The following DOCK2 variants were observed in gnomAD, a reference collection of about 807,000 sequenced individuals.
The protein encoded by DOCK2 is dedicator of cytokinesis protein 2.
DOCK2 carries 87 observed loss-of-function variants against 248.9 expected under a neutral mutation model. The ratio of observed to expected loss-of-function variants is 0.35; its 90% CI spans 0.29 to 0.42. The LOEUF is 0.42. Ranked by LOEUF, DOCK2 falls within the 10% of genes least tolerant of loss-of-function variation. The probability of loss-of-function intolerance (pLI) is 1.00; values close to 1 mark genes in which losing one functional copy is unlikely to be tolerated. For missense variants in DOCK2, 1,747 were observed against 2,300.2 expected (o/e 0.76, Z 4.92); for synonymous variants, 805 against 821.6 (o/e 0.98, Z 0.35).
intron 29 of DOCK2, among the ~76,000 whole-genome samples, chr5:169,989,693 G>C (rs746153787): frequency 6.6e-6 from 1 of 152,214 alleles, no homozygotes; most frequent in South Asian, 2.1e-4. Flanking sequence ...ATCTGAGCAA[G>C]ATCCTTCACC....
At chr5:169,805,216 CAAAAA>C (rs1178136278) in intron 26 of DOCK2, among the ~76,000 whole-genome samples, 1 of 70,708 alleles carries the variant, frequency 1.4e-5, no homozygotes, top group Non-Finnish European at 3.5e-5. Flanking sequence ...TCTGTCTCTA[CAAAAA>C]AAAAAAAAAA....
At chr5:170,036,392 A>G in intron 35 of DOCK2, 123 bp from the exon 36 acceptor site, 3 of 968,784 alleles carry the variant, frequency 3.1e-6, no homozygotes, top group Non-Finnish European at 4.7e-6. Context: ...TAAGTTTCTT[A>G]TTCCTATCTC....
chr5:169,699,310 G>A, intron 11 of DOCK2, 72 bp from the exon 12 acceptor site: 1 of 1,487,852 alleles, frequency 6.7e-7, no homozygotes, highest in East Asian at 2.3e-5. Context: ...AGGGGCTGGG[G>A]AGATTCATGG....
At chr5:169,776,844 A>G (rs574733074) in intron 25 of DOCK2, among the ~76,000 whole-genome samples, 1 of 152,292 alleles carries the variant, frequency 6.6e-6, no homozygotes, top group African/African-American at 2.4e-5. Context: ...CATGATTGTA[A>G]GTTTTCTGAG....
chr5:169,817,700 G>A (rs1768154037), intron 26 of DOCK2, among the ~76,000 whole-genome samples: 2 of 152,130 alleles, frequency 1.3e-5, no homozygotes, highest in Admixed American at 1.3e-4. Context: ...TTTGACATAG[G>A]CCATCATTTA....
At chr5:169,687,873 C>T (rs1760077337) in intron 8 of DOCK2, among the ~76,000 whole-genome samples, 1 of 152,182 alleles carries the variant, frequency 6.6e-6, no homozygotes, top group Non-Finnish European at 1.5e-5. Flanking sequence ...CCTATGTGGT[C>T]TGGCCTCTCC....
intron 33 of DOCK2, among the ~76,000 whole-genome samples, chr5:170,022,390 T>C (rs1176337249): frequency 6.6e-6 from 1 of 152,206 alleles, no homozygotes; most frequent in East Asian, 1.9e-4. Flanking sequence ...TCTGGGTTTC[T>C]TTTATAAGCT....
At chr5:169,638,423 G>A (rs2113060236) in intron 1 of DOCK2, among the ~76,000 whole-genome samples, 1 of 152,328 alleles carries the variant, frequency 6.6e-6, no homozygotes, top group Admixed American at 6.5e-5. Context: ...GAAGGATACA[G>A]CTTCTGCCCT....
At chr5:169,650,999 C>T (rs188470470) in intron 1 of DOCK2, among the ~76,000 whole-genome samples, 288 of 152,286 alleles carry the variant, frequency 1.9e-3, no homozygotes, top group Non-Finnish European at 2.8e-3. Flanking sequence ...GTGGAGCAGG[C>T]TATGATTTCT....
chr5:169,935,765 T>C (rs769887725), intron 27 of DOCK2, among the ~76,000 whole-genome samples: 7 of 152,144 alleles, frequency 4.6e-5, no homozygotes, highest in Non-Finnish European at 8.8e-5. Flanking sequence ...ACTGACTTCA[T>C]AGGAGAAAAA....
At chr5:169,984,168 G>A (rs925503329) in intron 28 of DOCK2, among the ~76,000 whole-genome samples, 3 of 152,112 alleles carry the variant, frequency 2.0e-5, no homozygotes, top group Non-Finnish European at 2.9e-5. Context: ...CTTGCTCAAG[G>A]TCCCGTAGCT....
intron 27 of DOCK2, among the ~76,000 whole-genome samples, chr5:169,855,297 A>G (rs1770828538): frequency 6.6e-6 from 1 of 152,156 alleles, no homozygotes; most frequent in Admixed American, 6.5e-5. Context: ...TTTCCTCTAA[A>G]TTAAAATTAT....
chr5:169,965,225 A>G (rs1343746016), intron 27 of DOCK2, among the ~76,000 whole-genome samples: 1 of 152,194 alleles, frequency 6.6e-6, no homozygotes, highest in Non-Finnish European at 1.5e-5. Flanking sequence ...TTAAATTTCC[A>G]TGGGCCTAAT....
chr5:169,720,400 A>G (rs1042080332), intron 22 of DOCK2, among the ~76,000 whole-genome samples: 6 of 152,062 alleles, frequency 3.9e-5, no homozygotes, highest in Non-Finnish European at 7.4e-5. Context: ...CTTTTGGTGT[A>G]TTTATTTTAT....
At chr5:169,681,622 A>C in intron 6 of DOCK2, 122 bp from the exon 7 acceptor site, 2 of 1,225,550 alleles carry the variant, frequency 1.6e-6, no homozygotes, top group Non-Finnish European at 2.3e-6. Context: ...CTATCAGTGT[A>C]GAGCTCTTCT....
At chr5:170,063,468 C>G (rs1757398512) in intron 44 of DOCK2, among the ~76,000 whole-genome samples, 1 of 152,036 alleles carries the variant, frequency 6.6e-6, no homozygotes, top group South Asian at 2.1e-4. Context: ...CTCCCATTTT[C>G]TTTCTGGAAG....
chr5:169,667,315 C>T lies in DOCK2; in HGVS notation c.128-1973C>T, dbSNP rs73798814. Among the ~76,000 whole-genome samples, 1,012 of 152,284 alleles carry T rather than the reference C, an allele frequency of 6.6e-3. 16 individuals are homozygous for T. The highest frequency in any genetic ancestry group is 0.023 in the African/African-American group (952 of 41,552). On this transcript the variant is annotated intron_variant, in intron 2 of 51. Coordinates refer to ENST00000520908, the MANE Select transcript of DOCK2 (RefSeq NM_004946.3). ...GCTTTAAGGATTGGCTTTGAAGTCA[C>T]ATAAGCTTGAGTTTGAACTCTGGTT...
At chr5:170,022,556 T>C (rs1316903641) in intron 33 of DOCK2, among the ~76,000 whole-genome samples, 1 of 152,166 alleles carries the variant, frequency 6.6e-6, no homozygotes, top group Non-Finnish European at 1.5e-5. Flanking sequence ...CCACCCCTGG[T>C]ACACCACATG....
intron 27 of DOCK2, among the ~76,000 whole-genome samples, chr5:169,905,104 G>T (rs1260096791): frequency 6.6e-6 from 1 of 152,184 alleles, no homozygotes; most frequent in Non-Finnish European, 1.5e-5. Context: ...AATATGAGGT[G>T]CTGGCATGTA....
Sources: gnomAD v4.1 joint callset for allele counts (sites outside exome capture counted in the v4.1 genomes callset) on GRCh38, gnomAD v4.1.1 for gene constraint, MANE v1.5 for transcripts, NCBI Gene and HGNC (gene_info 2026-07-23, HGNC 2026-07-21) for gene names.